CDYL2: variants seen among roughly 807,000 people sequenced by gnomAD.
CDYL2 encodes chromodomain Y like 2, also known as chromodomain Y-like protein 2.
CDYL2 carries 23 observed loss-of-function variants against 49.4 expected under a neutral mutation model. The observed-to-expected ratio is 0.47, with a 90% confidence interval of 0.34 to 0.66. CDYL2 has a LOEUF of 0.66. Among genes scored for constraint, CDYL2 ranks in the 30% least tolerant of loss-of-function variants. The pLI, the probability that CDYL2 is intolerant of heterozygous loss-of-function variation, is 0.01. For missense variants in CDYL2, 678 were observed against 656.4 expected (o/e 1.03, Z -0.36); for synonymous variants, 360 against 268.8 (o/e 1.34, Z -3.32).
intron 1 of CDYL2, among the ~76,000 whole-genome samples, chr16:80,764,267 T>C (rs563208406): frequency 2.6e-5 from 4 of 152,172 alleles, no homozygotes; most frequent in East Asian, 3.9e-4. Flanking sequence ...CAGTAGAGAG[T>C]ACCTAAGAAC....
At chr16:80,715,383 T>G (rs1904763628) in intron 1 of CDYL2, among the ~76,000 whole-genome samples, 1 of 152,110 alleles carries the variant, frequency 6.6e-6, no homozygotes, top group Non-Finnish European at 1.5e-5. Flanking sequence ...ACTAATCCAG[T>G]TATCCAAGGC....
chr16:80,604,106 G>A lies in CDYL2; in HGVS notation c.*282C>T, dbSNP rs191739281. The stretch of plus-strand genomic sequence containing the variant: ...CCGTCATGGTGCATTTCAGCAAGTG[G>A]GGAAAGGACAGCGGTGCTTGGCGGA... On this transcript the variant is annotated 3_prime_UTR_variant, in exon 7 of 7. Coordinates refer to ENST00000570137, the MANE Select transcript of CDYL2 (RefSeq NM_152342.4). 2.3e-6 allele frequency: 1 copy of A among 438,638 alleles called. No individual in the cohort carries two copies. The highest frequency in any genetic ancestry group is 4.2e-6 in the Non-Finnish European group (1 of 240,834). The allele number at this position is 438,638 out of a possible 1,614,324, so 27.2% of individuals were successfully genotyped here.
chr16:80,712,745 G>C (rs1904663209), intron 1 of CDYL2, among the ~76,000 whole-genome samples: 1 of 152,148 alleles, frequency 6.6e-6, no homozygotes, highest in Non-Finnish European at 1.5e-5. Flanking sequence ...ATGGCTTAAA[G>C]ACAATGCAGT....
At chr16:80,630,320 C>T (rs552412692) in intron 3 of CDYL2, among the ~76,000 whole-genome samples, 2 of 152,332 alleles carry the variant, frequency 1.3e-5, no homozygotes, top group South Asian at 2.1e-4. Context: ...CAGACGAGCA[C>T]AACATGTTTT....
intron 1 of CDYL2, among the ~76,000 whole-genome samples, chr16:80,721,937 T>TCCTAGC (rs1354890419): frequency 6.6e-6 from 1 of 152,098 alleles, no homozygotes; most frequent in African/African-American, 2.4e-5. Flanking sequence ...GACGAAGAGG[T>TCCTAGC]CCTAGCCACT....
chr16:80,697,565 T>C (rs897454164), intron 1 of CDYL2, among the ~76,000 whole-genome samples: 3 of 152,142 alleles, frequency 2.0e-5, no homozygotes, highest in Admixed American at 2.0e-4. Flanking sequence ...TTGGAAGTCC[T>C]AGCCAGGGAA....
intron 1 of CDYL2, among the ~76,000 whole-genome samples, chr16:80,790,084 T>C (rs372550832): frequency 6.6e-6 from 1 of 152,260 alleles, no homozygotes; most frequent in South Asian, 2.1e-4. Context: ...CTATTATAAC[T>C]GTTTTTTACA....
chr16:80,716,886 G>C (rs958896470), intron 1 of CDYL2, among the ~76,000 whole-genome samples: 2 of 152,006 alleles, frequency 1.3e-5, no homozygotes, highest in African/African-American at 4.8e-5. Context: ...TGACTGGATG[G>C]ATGGATGGAT....
rs542428857 is a variant in CDYL2 at position 80,637,167 on chromosome 16, C to G, written c.617-3931G>C. ...TGTATACTTATGTAACAAACCTGCA[C>G]GTTCTGTATATGTATACATTTAAAA... On this transcript the variant is annotated intron_variant, in intron 2 of 6. Coordinates refer to ENST00000570137, the MANE Select transcript of CDYL2 (RefSeq NM_152342.4). Among the ~76,000 whole-genome samples, 7 of 151,694 alleles carry G rather than the reference C, an allele frequency of 4.6e-5. No homozygotes were observed. The South Asian group carries it at 1.5e-3, about 32-fold the overall frequency.
chr16:80,615,340 T>G (rs1906781702), intron 4 of CDYL2, among the ~76,000 whole-genome samples: 1 of 152,204 alleles, frequency 6.6e-6, no homozygotes, highest in South Asian at 2.1e-4. Flanking sequence ...CCTTAGGGGT[T>G]TGGATGATTT....
intron 1 of CDYL2, among the ~76,000 whole-genome samples, chr16:80,792,034 C>A (rs1907626443): frequency 6.6e-6 from 1 of 152,164 alleles, no homozygotes; most frequent in African/African-American, 2.4e-5. Flanking sequence ...ATAGAACACA[C>A]ATGGCATCTG....
chr16:80,702,735 G>A (rs1484306809), intron 1 of CDYL2, among the ~76,000 whole-genome samples: 2 of 152,184 alleles, frequency 1.3e-5, no homozygotes, highest in Non-Finnish European at 2.9e-5. Context: ...GGGTGACAGA[G>A]TAAGACCCTG....
intron 2 of CDYL2, among the ~76,000 whole-genome samples, chr16:80,641,950 G>T (rs1409300600): frequency 1.3e-5 from 2 of 151,380 alleles, no homozygotes; most frequent in African/African-American, 4.8e-5. Context: ...ATAAAACCCA[G>T]TGGTAATAGC....
At chr16:80,667,770 C>G (rs1034555472) in intron 2 of CDYL2, among the ~76,000 whole-genome samples, 11 of 152,194 alleles carry the variant, frequency 7.2e-5, no homozygotes, top group African/African-American at 2.7e-4. Context: ...ATGTCTACCA[C>G]AAGCCAGCGA....
chr16:80,644,866 C>A (rs1411483595), intron 2 of CDYL2, among the ~76,000 whole-genome samples: 1 of 152,028 alleles, frequency 6.6e-6, no homozygotes, highest in African/African-American at 2.4e-5. Context: ...TTTGACAAAC[C>A]TGACAAAAAC....
chr16:80,746,019 T>C (rs1905917035), intron 1 of CDYL2, among the ~76,000 whole-genome samples: 1 of 152,216 alleles, frequency 6.6e-6, no homozygotes, highest in African/African-American at 2.4e-5. Flanking sequence ...AGCTCGCACT[T>C]GTCTCTGTAT....
intron 1 of CDYL2, among the ~76,000 whole-genome samples, chr16:80,704,101 G>C (rs1175516067): frequency 6.6e-6 from 1 of 152,214 alleles, no homozygotes; most frequent in South Asian, 2.1e-4. Flanking sequence ...TAGGAGGTCA[G>C]TGAGGTACAT....
At chr16:80,776,654 T>C (rs1176518172) in intron 1 of CDYL2, among the ~76,000 whole-genome samples, 1 of 150,980 alleles carries the variant, frequency 6.6e-6, no homozygotes, top group Non-Finnish European at 1.5e-5. Flanking sequence ...TACATTTGTA[T>C]ATTCTTATAA....
intron 1 of CDYL2, among the ~76,000 whole-genome samples, chr16:80,686,562 A>G (rs1910203311): frequency 1.3e-5 from 2 of 152,252 alleles, no homozygotes; most frequent in African/African-American, 4.8e-5. Flanking sequence ...GTCATAGTTG[A>G]TAATTGTTGA....
Sources: allele counts gnomAD v4.1 joint callset (sites outside exome capture counted in the v4.1 genomes callset), GRCh38; gene constraint gnomAD v4.1.1; transcripts MANE v1.5; gene names NCBI Gene and HGNC (gene_info 2026-07-23, HGNC 2026-07-21).